The following PTPN11 variants were observed in gnomAD, a reference collection of about 807,000 sequenced individuals.
PTPN11 encodes the protein protein tyrosine phosphatase non-receptor type 11, also known as tyrosine-protein phosphatase non-receptor type 11.
Under a neutral mutation model 78.8 loss-of-function variants are expected in PTPN11, and 6 were observed. That is an observed-to-expected ratio of 0.08 (90% CI 0.04 to 0.15). The LOEUF (loss-of-function observed/expected upper bound fraction) is 0.15, where lower values mean the gene tolerates loss of function less well. PTPN11 is among the 10% of genes least tolerant of loss of function. The pLI, the probability that PTPN11 is intolerant of heterozygous loss-of-function variation, is 1.00. For missense variants in PTPN11, 386 were observed against 744.8 expected, an observed-to-expected ratio of 0.52 and a Z score of 5.61; for synonymous variants, 221 against 263.5, an observed-to-expected ratio of 0.84 and a Z score of 1.56.
chr12:112,436,875 G>GT lies in PTPN11; in HGVS notation c.15-9395dup, dbSNP rs575624518. 4.6e-5 allele frequency among the ~76,000 whole-genome samples: 7 copies of GT among 151,846 alleles called. No individual in the cohort carries two copies. In the East Asian group the frequency reaches 1.2e-3, roughly 25 times the overall value. On this transcript the variant is annotated intron_variant, in intron 1 of 15. Coordinates refer to ENST00000351677, the MANE Select transcript of PTPN11 (RefSeq NM_002834.5). ...GTTAGAACTGACTTCAGTCCTTGAG[G>GT]TTTTTTACCATTTAATGAATAATTA...
chr12:112,460,224 A>G (rs1270205970), intron 6 of PTPN11, among the ~76,000 whole-genome samples: 1 of 152,202 alleles, frequency 6.6e-6, no homozygotes, highest in Non-Finnish European at 1.5e-5. Flanking sequence ...CTGGGATTAC[A>G]GGCATGAGCC....
intron 5 of PTPN11, among the ~76,000 whole-genome samples, chr12:112,455,226 G>A (rs2038140497): frequency 6.7e-6 from 1 of 148,852 alleles, no homozygotes; most frequent in Non-Finnish European, 1.5e-5. Context: ...AGGCATTACA[G>A]AGGTTCTTTT....
chr12:112,443,735 C>G (rs544858318), intron 1 of PTPN11, among the ~76,000 whole-genome samples: 2 of 151,500 alleles, frequency 1.3e-5, no homozygotes, highest in South Asian at 4.2e-4. Flanking sequence ...TCACTGCAAC[C>G]TGGACCTCCT....
chr12:112,499,057 G>A (rs2038843541), intron 13 of PTPN11, among the ~76,000 whole-genome samples: 1 of 151,996 alleles, frequency 6.6e-6, no homozygotes, highest in South Asian at 2.1e-4. Context: ...GGGGAAATAG[G>A]GATTTGCTGT....
At chr12:112,439,215 C>T (rs12296808) in intron 1 of PTPN11, among the ~76,000 whole-genome samples, 6,142 of 152,212 alleles carry the variant, frequency 0.04, 267 homozygotes, top group African/African-American at 0.11. Context: ...AAGGCTTTGC[C>T]ACCATGTGTT....
Position 112,509,514 on chromosome 12 carries a change from T to C in PTPN11, c.*3722T>C, listed in dbSNP as rs967357106. ...ACCTACAATTAATTTTCCTGCAGTA[T>C]ATGAAGTATTGTACCAGAGTATTAA... On this transcript the variant is annotated 3_prime_UTR_variant, in exon 16 of 16. Transcript: ENST00000351677. 6.6e-6 allele frequency: 1 copy of C among 152,648 alleles called. No individual in the cohort carries two copies. The highest frequency in any genetic ancestry group is 2.4e-5 in the African/African-American group (1 of 41,464). The allele number at this position is 152,648 out of a possible 1,614,324, so 9.5% of individuals were successfully genotyped here.
chr12:112,445,440 A>G (rs1291058608), intron 1 of PTPN11, among the ~76,000 whole-genome samples: 1 of 152,014 alleles, frequency 6.6e-6, no homozygotes, highest in Non-Finnish European at 1.5e-5. Flanking sequence ...CCAGAAGCAT[A>G]CATATCTATT....
At chr12:112,477,521 A>C (rs1486170233) in intron 7 of PTPN11, 130 bp from the exon 8 acceptor site, 1 of 736,576 alleles carries the variant, frequency 1.4e-6, no homozygotes, top group Non-Finnish European at 2.3e-6. Context: ...CCTGGGCTTT[A>C]ATTTTTATGT....
At chr12:112,468,122 A>G (rs973996010) in intron 6 of PTPN11, among the ~76,000 whole-genome samples, 4 of 152,174 alleles carry the variant, frequency 2.6e-5, no homozygotes, top group Admixed American at 6.5e-5. Context: ...GATATCTGGC[A>G]GCCTGTGTCC....
At chr12:112,501,315 C>T (rs1363927294) in intron 13 of PTPN11, among the ~76,000 whole-genome samples, 1 of 152,102 alleles carries the variant, frequency 6.6e-6, no homozygotes, top group East Asian at 1.9e-4. Context: ...ATCATCAGAA[C>T]CAAAAATAAA....
chr12:112,455,147 T>G (rs1261136815), intron 5 of PTPN11, among the ~76,000 whole-genome samples: 1 of 151,814 alleles, frequency 6.6e-6, no homozygotes, highest in Admixed American at 6.6e-5. Flanking sequence ...ATGATTCCAC[T>G]CACTGACTGC....
At chr12:112,445,320 TG>T (rs2037976022) in intron 1 of PTPN11, among the ~76,000 whole-genome samples, 2 of 152,014 alleles carry the variant, frequency 1.3e-5, no homozygotes, top group African/African-American at 4.8e-5. Flanking sequence ...TTAGTAGAGA[TG>T]GGGTTTCACC....
At chr12:112,438,685 G>T (rs1240261032) in intron 1 of PTPN11, among the ~76,000 whole-genome samples, 1 of 152,146 alleles carries the variant, frequency 6.6e-6, no homozygotes, top group East Asian at 1.9e-4. Context: ...GTTTCACCAT[G>T]TTGGCTAGGC....
At chr12:112,469,992 G>A (rs1047490390) in intron 6 of PTPN11, among the ~76,000 whole-genome samples, 9 of 152,062 alleles carry the variant, frequency 5.9e-5, no homozygotes, top group Non-Finnish European at 1.2e-4. Flanking sequence ...TGCAATCATG[G>A]TTCCCTGCAG....
chr12:112,438,401 G>C (rs1264491896), intron 1 of PTPN11, among the ~76,000 whole-genome samples: 1 of 151,884 alleles, frequency 6.6e-6, no homozygotes, highest in Non-Finnish European at 1.5e-5. Context: ...ATAGCTTACT[G>C]CATCCTCAAG....
intron 15 of PTPN11, among the ~76,000 whole-genome samples, 166 bp from the exon 16 acceptor site, chr12:112,505,656 CAAA>C (rs1191524369): frequency 8.2e-5 from 3 of 36,732 alleles, no homozygotes; most frequent in Non-Finnish European, 1.3e-4. Context: ...AACTCCATCT[CAAA>C]AAAAAAAAAA....
rs2038932463 is a variant in PTPN11, at chr12:112,506,182, T to C, written c.*390T>C. On this transcript the variant is annotated 3_prime_UTR_variant, in exon 16 of 16. Transcript: ENST00000351677. ...TTATACCCTTAACCAGTTTAATTTTTTTTTTCCTCATTGTTGGGGATGATG... is the reference window on the plus strand; with the variant it reads ...TTATACCCTTAACCAGTTTAATTTTCTTTTTCCTCATTGTTGGGGATGATG... 6.6e-6 allele frequency: 1 copy of C among 152,224 alleles called. No individual in the cohort carries two copies. Among genetic ancestry groups the C allele is most frequent in the African/African-American group, 2.4e-5 (1 of 41,468 alleles). The allele number at this position is 152,224 out of a possible 1,614,324, so 9.4% of individuals were successfully genotyped here.
chr12:112,422,790 T>C (rs2037544054), intron 1 of PTPN11, among the ~76,000 whole-genome samples: 1 of 152,234 alleles, frequency 6.6e-6, no homozygotes, highest in Non-Finnish European at 1.5e-5. Context: ...TAAGATGACT[T>C]ACCCCTCGTG....
intron 4 of PTPN11, among the ~76,000 whole-genome samples, chr12:112,453,708 G>A (rs1226896195): frequency 2.0e-5 from 3 of 150,590 alleles, no homozygotes; most frequent in Admixed American, 6.7e-5. Context: ...TTGAGACTGG[G>A]TCTTGCTCTG....
Sources: gnomAD v4.1 joint callset for allele counts (sites outside exome capture counted in the v4.1 genomes callset) on GRCh38, gnomAD v4.1.1 for gene constraint, MANE v1.5 for transcripts, NCBI Gene and HGNC (gene_info 2026-07-23, HGNC 2026-07-21) for gene names.